The following COL28A1 variants were observed in gnomAD, a reference collection of about 807,000 sequenced individuals.
The protein encoded by COL28A1 is collagen alpha-1(XXVIII) chain.
COL28A1 carries 161 observed loss-of-function variants against 150.2 expected under a neutral mutation model. That is an observed-to-expected ratio of 1.07 (90% CI 0.94 to 1.22). The LOEUF is 1.22. Ranked by LOEUF, COL28A1 falls within the 50% of genes most tolerant of loss-of-function variation. COL28A1 has a pLI of 0.00. For synonymous variants in COL28A1, 552 were observed against 469.7 expected (o/e 1.18, Z -2.26); for missense variants, 1,617 against 1,388.3 (o/e 1.16, Z -2.62).
chr7:7,486,113 C>G (rs539938898), intron 13 of COL28A1, among the ~76,000 whole-genome samples: 14 of 152,222 alleles, frequency 9.2e-5, no homozygotes, highest in African/African-American at 3.4e-4. Context: ...ATTAAGTATT[C>G]TCTGATTTCT....
chr7:7,419,734 G>A (rs1473017234), intron 26 of COL28A1, 151 bp downstream of exon 26: 3 of 438,632 alleles, frequency 6.8e-6, no homozygotes, highest in Admixed American at 8.4e-5. Context: ...TTTACTGAAC[G>A]TTCACCTGAT....
chr7:7,487,885 A>T (rs1422295231), intron 13 of COL28A1, among the ~76,000 whole-genome samples: 1 of 152,144 alleles, frequency 6.6e-6, no homozygotes, highest in African/African-American at 2.4e-5. Context: ...GCTTGGATTC[A>T]AGCTGCCATG....
At chr7:7,474,032 A>G (rs1583457164) in intron 15 of COL28A1, among the ~76,000 whole-genome samples, 1 of 146,886 alleles carries the variant, frequency 6.8e-6, no homozygotes, top group African/African-American at 2.5e-5. Flanking sequence ...TATATGATGG[A>G]ATACTATATA....
At chr7:7,480,732 G>C (rs954553029) in intron 13 of COL28A1, among the ~76,000 whole-genome samples, 2 of 152,182 alleles carry the variant, frequency 1.3e-5, no homozygotes, top group Non-Finnish European at 2.9e-5. Flanking sequence ...CATTGTGCTA[G>C]GTTCTAGGGA....
Position 7,381,498 on chromosome 7 carries a change from T to G in COL28A1, c.2205+46A>C, listed in dbSNP as rs1033483740. On this transcript the variant is annotated intron_variant, in intron 28 of 34. Coordinates refer to ENST00000399429, the MANE Select transcript of COL28A1 (RefSeq NM_001037763.3). Reference sequence around the variant, plus strand: ...TCTTCCAAAGTTAAAGTTAAGCTATTGCGATCCTAAGCCTAAGCATTTCTC... The same window carrying G: ...TCTTCCAAAGTTAAAGTTAAGCTATGGCGATCCTAAGCCTAAGCATTTCTC... 8.7e-6 allele frequency: 12 copies of G among 1,382,954 alleles called. No individual in the cohort carries two copies. The African/African-American group carries it at 1.7e-4, about 20-fold the overall frequency. 85.7% of individuals were successfully genotyped at this position (1,382,954 alleles called of 1,614,324 possible). A position where few individuals can be genotyped will look rare whatever the true frequency, so the allele number is the denominator to read the frequency against.
chr7:7,425,154 A>G (rs1784589366), intron 25 of COL28A1, among the ~76,000 whole-genome samples: 1 of 152,188 alleles, frequency 6.6e-6, no homozygotes, highest in Admixed American at 6.5e-5. Flanking sequence ...TGATCTTATC[A>G]ACATCAACTT....
chr7:7,453,495 G>A lies in COL28A1; in HGVS notation c.1385C>T (p.Pro462Leu). 2.6e-6 allele frequency: 3 copies of A among 1,148,702 alleles called. No individual in the cohort carries two copies. Among genetic ancestry groups the A allele is most frequent in the Non-Finnish European group, 3.9e-6 (3 of 762,622 alleles). 71.2% of individuals were successfully genotyped at this position (1,148,702 alleles called of 1,614,324 possible). ...CCCTTGTGGACCAGGTGGACCAATA[G>A]GACCTTGGATTCCCTTTAAAATAAA... ...GSQGEQGIQG[P>L]IGPPGPQGPA... The change falls in exon 17 of 35, where the codon CCT (proline) becomes CTT (leucine). Residue 462 changes from proline (P) to leucine (L), a missense_variant. By Grantham distance (98) the Pro-to-Leu change is moderately conservative. Coordinates refer to ENST00000399429, the MANE Select transcript of COL28A1 (RefSeq NM_001037763.3).
chr7:7,392,051 T>C (rs1782577030), intron 27 of COL28A1, among the ~76,000 whole-genome samples: 1 of 152,206 alleles, frequency 6.6e-6, no homozygotes, highest in Non-Finnish European at 1.5e-5. Context: ...TGCTCATTAG[T>C]TGATGCAATT....
At chr7:7,508,230 T>C (rs1045707170) in intron 9 of COL28A1, among the ~76,000 whole-genome samples, 2 of 143,676 alleles carry the variant, frequency 1.4e-5, no homozygotes, top group East Asian at 4.0e-4. Flanking sequence ...AGACTCTGTC[T>C]CAAAAAAAAA....
intron 13 of COL28A1, 80 bp from the exon 14 acceptor site, chr7:7,477,260 G>A: frequency 6.5e-6 from 5 of 775,190 alleles, no homozygotes; most frequent in Middle Eastern, 2.3e-4. Context: ...GAAAGAGGAA[G>A]AAAGAGAATG....
chr7:7,341,048 G>T, the COL28A1 span, among the ~76,000 whole-genome samples: 1 of 152,156 alleles, frequency 6.6e-6, no homozygotes, highest in Admixed American at 6.5e-5. Context: ...TAGGTAGACA[G>T]TCATCACCTC....
At chr7:7,518,592 C>G (rs1194443125) in intron 6 of COL28A1, among the ~76,000 whole-genome samples, 1 of 152,110 alleles carries the variant, frequency 6.6e-6, no homozygotes, top group South Asian at 2.1e-4. Context: ...GTACCTCTTA[C>G]TTATTGCCTA....
At chr7:7,414,428 G>A (rs1236880410) in intron 27 of COL28A1, among the ~76,000 whole-genome samples, 2 of 152,286 alleles carry the variant, frequency 1.3e-5, no homozygotes, top group East Asian at 3.9e-4. Context: ...AAAAGCCCAA[G>A]GCCCTGAAGG....
chr7:7,532,540 A>C (rs147211021), intron 2 of COL28A1, among the ~76,000 whole-genome samples: 26 of 152,224 alleles, frequency 1.7e-4, no homozygotes, highest in African/African-American at 5.8e-4. Context: ...GTGAGGCTCA[A>C]ATGAGATAAT....
Position 7,531,903 on chromosome 7 carries a change from G to A in COL28A1, c.126C>T (p.Gly42=), listed in dbSNP as rs1396050041. ...AGACAATATCTATGAAACAAATGGA[G>A]CCTGAAACAGAATAAACAGGTTAGG... ...NLLARKSDVQ[G]SICFIDIVFI... The change falls in exon 3 of 35, where the codon GGC becomes GGT. Residue 42 remains glycine, a splice_region_variant and synonymous_variant. Coordinates refer to ENST00000399429, the MANE Select transcript of COL28A1 (RefSeq NM_001037763.3). 2 of 1,584,468 alleles carry A rather than the reference G, an allele frequency of 1.3e-6. No individual in the cohort carries two copies. The highest frequency in any genetic ancestry group is 8.6e-7 in the Non-Finnish European group (1 of 1,157,088).
At position 7,507,189 on chromosome 7, in the gene COL28A1, C is replaced by T. The variant is rs760215481; in HGVS notation, c.928-28G>A. On this transcript the variant is annotated intron_variant, in intron 9 of 34. Coordinates refer to ENST00000399429, the MANE Select transcript of COL28A1 (RefSeq NM_001037763.3). ...GTGGAATAAAATTGAAAATAAGTCT[C>T]TCTAAATATACATCTTCAACGTGCA... 2.5e-5 allele frequency: 24 copies of T among 965,922 alleles called. No homozygotes were observed. The South Asian group carries it at 3.1e-4, about 12-fold the overall frequency. The allele number at this position is 965,922 out of a possible 1,614,324, so 59.8% of individuals were successfully genotyped here.
intron 27 of COL28A1, among the ~76,000 whole-genome samples, chr7:7,399,104 C>A (rs1349180947): frequency 6.6e-6 from 1 of 152,136 alleles, no homozygotes; most frequent in Non-Finnish European, 1.5e-5. Context: ...CATATGCTAG[C>A]CATTTCAGAA....
chr7:7,390,802 A>G (rs1294641), intron 27 of COL28A1, among the ~76,000 whole-genome samples: 93,371 of 151,932 alleles, frequency 0.61, 29,647 homozygotes, highest in South Asian at 0.71. Flanking sequence ...GTATTCTCTG[A>G]TGGTAGTTGG....
intron 31 of COL28A1, among the ~76,000 whole-genome samples, chr7:7,375,163 T>C (rs1781475639): frequency 6.6e-6 from 1 of 152,214 alleles, no homozygotes; most frequent in Non-Finnish European, 1.5e-5. Context: ...TCAGCTCAGG[T>C]AAATGTCACT....
Sources: allele counts gnomAD v4.1 joint callset (sites outside exome capture counted in the v4.1 genomes callset), GRCh38; gene constraint gnomAD v4.1.1; transcripts MANE v1.5; gene names NCBI Gene and HGNC (gene_info 2026-07-23, HGNC 2026-07-21).